The following PPP2R2B variants were observed in gnomAD, a reference collection of about 807,000 sequenced individuals.
PPP2R2B encodes the protein protein phosphatase 2 regulatory subunit Bbeta, also known as serine/threonine-protein phosphatase 2A 55 kDa regulatory subunit B beta isoform.
A neutral mutation model predicts 46.0 loss-of-function variants in PPP2R2B; 5 were observed. That is an observed-to-expected ratio of 0.11 (90% CI 0.06 to 0.23). The LOEUF is 0.23. Among genes scored for constraint, PPP2R2B ranks in the 10% least tolerant of loss-of-function variants. The pLI is 1.00. For missense variants in PPP2R2B, 367 were observed against 575.0 expected (o/e 0.64, Z 3.70); for synonymous variants, 215 against 206.7 (o/e 1.04, Z -0.34).
chr5:146,655,988 C>T lies in PPP2R2B; in HGVS notation c.448-5264G>A, dbSNP rs185321722. Among the ~76,000 whole-genome samples the T allele has an allele frequency of 4.5e-3, 688 of 152,242 alleles. 20 individuals are homozygous for T. Among genetic ancestry groups the T allele is most frequent in the Admixed American group, 0.041 (630 of 15,296 alleles). On this transcript the variant is annotated intron_variant, in intron 5 of 9. Transcript: ENST00000394411. Reference sequence around the variant, plus strand: ...CAGAGGAGAGACAGCAAAGTATACACATAACGATGGGTAACTGTGCTTCTG... The same window carrying T: ...CAGAGGAGAGACAGCAAAGTATACATATAACGATGGGTAACTGTGCTTCTG...
chr5:147,004,436 A>T (rs1017850780), intron 1 of PPP2R2B, among the ~76,000 whole-genome samples: 2 of 152,152 alleles, frequency 1.3e-5, no homozygotes, highest in African/African-American at 4.8e-5. Context: ...TTCCTCCTGG[A>T]CACTGGCATG....
At chr5:147,069,653 T>C (rs1757516199) in intron 2 of PPP2R2B, among the ~76,000 whole-genome samples, 1 of 152,104 alleles carries the variant, frequency 6.6e-6, no homozygotes, top group African/African-American at 2.4e-5. Flanking sequence ...TTTTTGAACA[T>C]GGTTTCTACT....
chr5:146,778,871 C>T (rs971896074), intron 2 of PPP2R2B, among the ~76,000 whole-genome samples: 1 of 152,172 alleles, frequency 6.6e-6, no homozygotes, highest in South Asian at 2.1e-4. Flanking sequence ...GCTTAAATCC[C>T]CATTAGTGGG....
intron 2 of PPP2R2B, among the ~76,000 whole-genome samples, chr5:146,857,942 C>T (rs1447274593): frequency 6.6e-6 from 1 of 152,206 alleles, no homozygotes; most frequent in Admixed American, 6.5e-5. Context: ...CTGCCTTTGG[C>T]CTCCCAAAGT....
chr5:146,820,587 C>T (rs929785217), intron 2 of PPP2R2B, among the ~76,000 whole-genome samples: 11 of 152,128 alleles, frequency 7.2e-5, no homozygotes, highest in African/African-American at 2.4e-4. Flanking sequence ...ATATAAAAAA[C>T]GCCATGCTGT....
intron 2 of PPP2R2B, among the ~76,000 whole-genome samples, chr5:146,824,953 C>A (rs1038350048): frequency 6.6e-6 from 1 of 152,022 alleles, no homozygotes. Flanking sequence ...GAACTCCTGG[C>A]CTCAAGTGAT....
Position 147,050,075 on chromosome 5 carries a change from A to C in PPP2R2B, c.79+5590T>G, listed in dbSNP as rs184655769. 2.5e-4 allele frequency among the ~76,000 whole-genome samples: 38 copies of C among 152,290 alleles called. No homozygotes were observed. In the Middle Eastern group the frequency reaches 0.01, roughly 41 times the overall value. Reference sequence around the variant, plus strand: ...AACAAGTGCAGGAGTGATGTGCTTGAGTAAGAGAGAGGGGAGATGACCCAG... The same window carrying C: ...AACAAGTGCAGGAGTGATGTGCTTGCGTAAGAGAGAGGGGAGATGACCCAG... On this transcript the variant is annotated intron_variant, in intron 1 of 8. Transcript: ENST00000336640.
In PPP2R2B at chr5:146,637,600, C is replaced by T. The variant is rs1424610182; in HGVS notation, c.790+651G>A. Among the ~76,000 whole-genome samples, 3 of 152,162 alleles carry T rather than the reference C, an allele frequency of 2.0e-5. No homozygotes were observed. In the East Asian group the frequency reaches 5.8e-4, roughly 29 times the overall value. On this transcript the variant is annotated intron_variant, in intron 7 of 9. Transcript: ENST00000394411. ...ACAACTAATTCTGATCATACTACTCCTCTGGTTACTTTTGTGGCTGTTCAC... is the reference window on the plus strand; with the variant it reads ...ACAACTAATTCTGATCATACTACTCTTCTGGTTACTTTTGTGGCTGTTCAC...
intron 1 of PPP2R2B, among the ~76,000 whole-genome samples, chr5:146,923,296 T>C (rs894128847): frequency 6.6e-6 from 1 of 152,170 alleles, no homozygotes; most frequent in African/African-American, 2.4e-5. Flanking sequence ...GACCACTTAT[T>C]AGCTCATCAC....
chr5:146,634,182 A>G (rs1452748481), intron 7 of PPP2R2B, among the ~76,000 whole-genome samples: 1 of 152,170 alleles, frequency 6.6e-6, no homozygotes, highest in Non-Finnish European at 1.5e-5. Context: ...CATCAGTTGA[A>G]GGCCTGAAGA....
Position 146,878,727 on chromosome 5 carries a change from A to AGCTGAT in PPP2R2B, c.-262_-261insATCAGC, listed in dbSNP as rs1762054807. 1.5e-6 allele frequency: 2 copies of AGCTGAT among 1,297,208 alleles called. No individual in the cohort carries two copies. The highest frequency in any genetic ancestry group is 1.0e-6 in the Non-Finnish European group (1 of 991,008). 80.4% of individuals were successfully genotyped at this position (1,297,208 alleles called of 1,614,324 possible). On this transcript the variant is annotated 5_prime_UTR_variant, in exon 1 of 10. Transcript: ENST00000394411. The surrounding 1 kb of genome is among the most constrained non-coding windows in gnomAD (Gnocchi z 4.5). ...CTCACACCCACACGCGCGCACTCGC[A>AGCTGAT]GCTGCTGCTGCTGCTGCTGCTGCTG...
Position 146,697,399 on chromosome 5 carries a change from A to G in PPP2R2B, c.334+580T>C, listed in dbSNP as rs192358620. Among the ~76,000 whole-genome samples, 341 of 152,276 alleles carry G rather than the reference A, an allele frequency of 2.2e-3. 1 individual carries two copies. Among genetic ancestry groups the G allele is most frequent in the African/African-American group, 7.6e-3 (317 of 41,550 alleles). On this transcript the variant is annotated intron_variant, in intron 4 of 9. Transcript: ENST00000394411. Reference sequence around the variant, plus strand: ...CAGTACCCAACATCCTCTCTCTCTGACCTATTTATGTCAACTCCTCCTCAT... The same window carrying G: ...CAGTACCCAACATCCTCTCTCTCTGGCCTATTTATGTCAACTCCTCCTCAT...
rs143193314 is a variant in PPP2R2B at position 146,996,816 on chromosome 5, T to G, written c.79+58849A>C. Among the ~76,000 whole-genome samples the G allele has an allele frequency of 2.6e-3, 398 of 152,108 alleles. 2 individuals are homozygous for G. The highest frequency in any genetic ancestry group is 9.1e-3 in the African/African-American group (379 of 41,500). On this transcript the variant is annotated intron_variant, in intron 1 of 8. Transcript: ENST00000336640. ...CAGCAAGGAACTCAGGAGGGATCAA[T>G]TCTCCCTCCCACTGTCTCCTCTCCT...
intron 2 of PPP2R2B, among the ~76,000 whole-genome samples, chr5:146,814,153 T>TCC (rs911341801): frequency 2.1e-4 from 29 of 137,752 alleles, no homozygotes; most frequent in Non-Finnish European, 3.6e-4. Flanking sequence ...GGTAAAACAC[T>TCC]CCCTCCCCAA....
At chr5:147,047,584 G>A (rs1756601701) in intron 1 of PPP2R2B, among the ~76,000 whole-genome samples, 1 of 151,994 alleles carries the variant, frequency 6.6e-6, no homozygotes, top group Admixed American at 6.6e-5. Flanking sequence ...TACTTGGTAT[G>A]AATGATCACA....
At chr5:146,936,451 A>G (rs573735093) in intron 1 of PPP2R2B, among the ~76,000 whole-genome samples, 5 of 142,580 alleles carry the variant, frequency 3.5e-5, no homozygotes, top group Non-Finnish European at 6.0e-5. Flanking sequence ...CAGCATTAAG[A>G]CTCCTTGTAA....
At chr5:146,727,076 C>G (rs1320613462) in intron 2 of PPP2R2B, among the ~76,000 whole-genome samples, 1 of 152,120 alleles carries the variant, frequency 6.6e-6, no homozygotes, top group African/African-American at 2.4e-5. Flanking sequence ...TCTTTTGGAA[C>G]TTCATTTTCT....
rs1028289489 is a variant in PPP2R2B at position 146,868,816 on chromosome 5, C to T, written c.70+9186G>A. ...CTTTTAAACAGGTGTTCATATACTA[C>T]ATTGTGATGAATTTTTGCCAAGTTT... is the stretch of plus-strand genomic sequence containing the variant. On this transcript the variant is annotated intron_variant, in intron 2 of 9. Transcript: ENST00000394411. 2.6e-5 allele frequency among the ~76,000 whole-genome samples: 4 copies of T among 152,262 alleles called. No individual in the cohort carries two copies. The South Asian group carries it at 8.3e-4, about 32-fold the overall frequency.
At chr5:146,754,902 A>G (rs552713656) in intron 2 of PPP2R2B, among the ~76,000 whole-genome samples, 1 of 152,270 alleles carries the variant, frequency 6.6e-6, no homozygotes, top group South Asian at 2.1e-4. Flanking sequence ...TTAGACCCTG[A>G]CTACAACTTC....
Sources: gnomAD v4.1 joint callset for allele counts (sites outside exome capture counted in the v4.1 genomes callset) on GRCh38, gnomAD v4.1.1 for gene constraint, Gnocchi (gnomAD v3.1) non-coding constraint, MANE v1.5 for transcripts, NCBI Gene and HGNC (gene_info 2026-07-23, HGNC 2026-07-21) for gene names.